The following DLC1 variants were observed in gnomAD, a reference collection of about 807,000 sequenced individuals.
The protein encoded by DLC1 is rho GTPase-activating protein 7.
DLC1 carries 54 observed loss-of-function variants against 140.3 expected under a neutral mutation model. That is an observed-to-expected ratio of 0.38 (90% CI 0.31 to 0.48). The LOEUF (loss-of-function observed/expected upper bound fraction) is 0.48, where lower values mean the gene tolerates loss of function less well. Ranked by LOEUF, DLC1 falls within the 20% of genes least tolerant of loss-of-function variation. DLC1 has a pLI of 0.96. For missense variants in DLC1, 2,536 were observed against 1,907.0 expected (o/e 1.33, Z -6.14); for synonymous variants, 986 against 728.1 (o/e 1.35, Z -5.70).
chr8:13,138,108 C>T (rs1304824670), intron 5 of DLC1, among the ~76,000 whole-genome samples: 1 of 152,144 alleles, frequency 6.6e-6, no homozygotes, highest in Non-Finnish European at 1.5e-5. Flanking sequence ...CAAGGATACT[C>T]ACTTGCATTT....
intron 2 of DLC1, among the ~76,000 whole-genome samples, chr8:13,411,899 A>C (rs17092948): frequency 6.6e-6 from 1 of 152,034 alleles, no homozygotes; most frequent in Non-Finnish European, 1.5e-5. Flanking sequence ...GAGACCATAT[A>C]ATTTCATCCA....
chr8:13,500,664 G>C (rs7016836), intron 1 of DLC1, among the ~76,000 whole-genome samples: 8,707 of 152,234 alleles, frequency 0.057, 540 homozygotes, highest in East Asian at 0.23. Flanking sequence ...TTGAGCTATA[G>C]AGACAGCATG....
At chr8:13,144,154 G>A (rs1428670186) in intron 5 of DLC1, among the ~76,000 whole-genome samples, 1 of 152,206 alleles carries the variant, frequency 6.6e-6, no homozygotes, top group East Asian at 1.9e-4. Context: ...GACAGGCACT[G>A]TCCAATCAAC....
At chr8:13,254,313 C>T (rs892847758) in intron 5 of DLC1, among the ~76,000 whole-genome samples, 12 of 152,096 alleles carry the variant, frequency 7.9e-5, no homozygotes, top group African/African-American at 2.7e-4. Context: ...GGCCAGAACA[C>T]GCCTCCTACC....
intron 2 of DLC1, among the ~76,000 whole-genome samples, chr8:13,483,109 C>A (rs747741358): frequency 6.6e-6 from 1 of 152,088 alleles, no homozygotes; most frequent in Admixed American, 6.5e-5. Context: ...TGGCTTCAGG[C>A]GCTCCTCTAC....
chr8:13,470,886 T>C (rs1800174450), intron 2 of DLC1, among the ~76,000 whole-genome samples: 1 of 152,088 alleles, frequency 6.6e-6, no homozygotes, highest in African/African-American at 2.4e-5. Flanking sequence ...AATGAATGAA[T>C]GGACAAATGG....
chr8:13,410,046 C>T (rs1004552107), intron 2 of DLC1, among the ~76,000 whole-genome samples: 1 of 151,726 alleles, frequency 6.6e-6, no homozygotes, highest in East Asian at 1.9e-4. Context: ...AGGGTAATTC[C>T]ACAATAAGAA....
chr8:13,200,119 T>C (rs777011845), intron 5 of DLC1, among the ~76,000 whole-genome samples: 7 of 152,170 alleles, frequency 4.6e-5, no homozygotes, highest in African/African-American at 1.7e-4. Flanking sequence ...CTCTGCTCAC[T>C]GCAACCTCCG....
Position 13,537,867 on chromosome 8 carries a change from A to G in DLC1, c.-125-37671T>C, listed in dbSNP as rs553794007. Among the ~76,000 whole-genome samples, 21 of 151,920 alleles carry G rather than the reference A, an allele frequency of 1.4e-4. No homozygotes were observed. In the South Asian group the frequency reaches 3.7e-3, roughly 27 times the overall value. ...ACAGGGTTTCACTGTGTTAGTCAGG[A>G]TAGTCTACGATTTCCTGACCTCGTG... On this transcript the variant is annotated intron_variant, in intron 1 of 1. Coordinates refer to the DLC1 transcript ENST00000631382.
In DLC1 at chr8:13,313,925, T is replaced by C. The variant is rs184974905; in HGVS notation, c.1315-8623A>G. 2.6e-5 allele frequency among the ~76,000 whole-genome samples: 4 copies of C among 152,222 alleles called. No individual in the cohort carries two copies. The East Asian group carries it at 7.7e-4, about 29-fold the overall frequency. ...TGGGCCTATTCTTTGTCCTTTTAGG[T>C]AAGCCAGTGATGATATTCTACTTGG... On this transcript the variant is annotated intron_variant, in intron 4 of 17. Transcript: ENST00000276297.
At chr8:13,157,402 G>C (rs928576123) in intron 5 of DLC1, among the ~76,000 whole-genome samples, 1 of 152,200 alleles carries the variant, frequency 6.6e-6, no homozygotes, top group Non-Finnish European at 1.5e-5. Flanking sequence ...ATGTGTTTTT[G>C]TAAGAGAGAG....
intron 4 of DLC1, among the ~76,000 whole-genome samples, chr8:13,336,735 T>C (rs554690151): frequency 6.6e-6 from 1 of 152,348 alleles, no homozygotes; most frequent in South Asian, 2.1e-4. Context: ...GTTGTTGTAA[T>C]GATTAATACA....
At chr8:13,450,896 G>T (rs1047235085) in intron 2 of DLC1, among the ~76,000 whole-genome samples, 2 of 151,636 alleles carry the variant, frequency 1.3e-5, no homozygotes, top group Admixed American at 1.3e-4. Flanking sequence ...AAAATTAGCT[G>T]GGCATGGTGG....
intron 1 of DLC1, among the ~76,000 whole-genome samples, chr8:13,510,559 T>C (rs114594551): frequency 1.3e-3 from 197 of 152,310 alleles, no homozygotes; most frequent in African/African-American, 4.4e-3. Context: ...GGAAATCCCA[T>C]ACTTTACTAA....
chr8:13,298,694 T>C (rs1832060322), intron 5 of DLC1, among the ~76,000 whole-genome samples: 1 of 152,148 alleles, frequency 6.6e-6, no homozygotes, highest in Non-Finnish European at 1.5e-5. Flanking sequence ...AAAGAAGTGA[T>C]ATTATTGTTG....
intron 5 of DLC1, among the ~76,000 whole-genome samples, chr8:13,167,290 G>A (rs761559573): frequency 6.6e-6 from 1 of 152,066 alleles, no homozygotes; most frequent in Non-Finnish European, 1.5e-5. Flanking sequence ...ATGTTCTTAA[G>A]TCTAACTGCC....
chr8:13,105,982 A>G (rs921665468), intron 7 of DLC1, among the ~76,000 whole-genome samples: 1 of 152,186 alleles, frequency 6.6e-6, no homozygotes, highest in African/African-American at 2.4e-5. Flanking sequence ...GGCGTAACCC[A>G]TCCGTCCAGA....
chr8:13,431,515 A>G (rs886156888), intron 2 of DLC1, among the ~76,000 whole-genome samples: 12 of 134,810 alleles, frequency 8.9e-5, no homozygotes, highest in Non-Finnish European at 1.5e-4. Context: ...AAAAAAAAAA[A>G]GAAAAGAATC....
chr8:13,600,098 A>T (rs765046875), intron 1 of DLC1, among the ~76,000 whole-genome samples: 31 of 151,934 alleles, frequency 2.0e-4, no homozygotes, highest in Admixed American at 5.9e-4. Flanking sequence ...AGCAATAGGA[A>T]ACATGGTCCC....
Sources: allele counts gnomAD v4.1 joint callset (sites outside exome capture counted in the v4.1 genomes callset), GRCh38; gene constraint gnomAD v4.1.1; transcripts MANE v1.5; gene names NCBI Gene and HGNC (gene_info 2026-07-23, HGNC 2026-07-21).